The following THSD7A variants were observed in gnomAD, a reference collection of about 807,000 sequenced individuals.
The protein encoded by THSD7A is thrombospondin type-1 domain-containing protein 7A.
Under a neutral mutation model 231.3 loss-of-function variants are expected in THSD7A, and 96 were observed. The ratio of observed to expected loss-of-function variants is 0.41; its 90% CI spans 0.35 to 0.49. The LOEUF is 0.49. Among genes scored for constraint, THSD7A ranks in the 20% least tolerant of loss-of-function variants. The pLI, the probability that THSD7A is intolerant of heterozygous loss-of-function variation, is 0.05. For synonymous variants in THSD7A, 940 were observed against 743.3 expected (o/e 1.26, Z -4.30); for missense variants, 2,290 against 2,070.2 (o/e 1.11, Z -2.06).
At position 11,412,675 on chromosome 7, in the gene THSD7A, G is replaced by A; in HGVS notation, c.3663C>T (p.His1221=). 6.2e-7 allele frequency: 1 copy of A among 1,613,822 alleles called. No individual in the cohort carries two copies. The highest frequency in any genetic ancestry group is 8.5e-7 in the Non-Finnish European group (1 of 1,179,792). Residue 1221 remains histidine (H), a synonymous_variant, in exon 18 of 28, where the codon CAC becomes CAT. Coordinates refer to ENST00000423059, the MANE Select transcript of THSD7A (RefSeq NM_015204.3). The stretch of plus-strand genomic sequence containing the variant: ...ATGTACCTGTTACATTATAATCATA[G>A]TGGTAGCAGTTTTTGTTCAGGTTAC... The part of the protein sequence containing the change: ...EPCNLNKNCY[H]YDYNVTDWST...
chr7:11,785,257 T>C (rs1783752573), intron 1 of THSD7A, among the ~76,000 whole-genome samples: 1 of 152,088 alleles, frequency 6.6e-6, no homozygotes, highest in Admixed American at 6.6e-5. Context: ...GAGGTTTTGC[T>C]ATATTGCCCA....
intron 10 of THSD7A, 73 bp from the exon 11 acceptor site, chr7:11,460,838 G>A (rs2128298191): frequency 1.6e-6 from 2 of 1,239,028 alleles, no homozygotes; most frequent in Non-Finnish European, 1.2e-6. Flanking sequence ...ACAGCAGCAT[G>A]GAAACATGAC....
chr7:11,508,401 TCAAAGG>T (rs908243560), intron 6 of THSD7A, among the ~76,000 whole-genome samples: 6 of 151,478 alleles, frequency 4.0e-5, no homozygotes, highest in Non-Finnish European at 8.8e-5. Context: ...ACAGCTATGA[TCAAAGG>T]CAAAGGCAAA....
chr7:11,724,462 C>T (rs1400016497), intron 1 of THSD7A, among the ~76,000 whole-genome samples: 1 of 151,800 alleles, frequency 6.6e-6, no homozygotes, highest in Non-Finnish European at 1.5e-5. Flanking sequence ...TGCTTATAAT[C>T]AGTCATACAG....
chr7:11,772,317 T>A (rs185718798), intron 1 of THSD7A, among the ~76,000 whole-genome samples: 1 of 152,128 alleles, frequency 6.6e-6, no homozygotes, highest in Non-Finnish European at 1.5e-5. Context: ...AGCATGGAGA[T>A]CTCTCAAAGA....
rs146160394 is a variant in THSD7A at position 11,764,532 on chromosome 7, T to A, written c.190+67225A>T. On this transcript the variant is annotated intron_variant, in intron 1 of 27. Coordinates refer to ENST00000423059, the MANE Select transcript of THSD7A (RefSeq NM_015204.3). Reference sequence around the variant, plus strand: ...GGAGGCGGAGCCGAGATAGCGCCACTGCAGTCCGGCCTGGGTGAAAGAACG... The same window carrying A: ...GGAGGCGGAGCCGAGATAGCGCCACAGCAGTCCGGCCTGGGTGAAAGAACG... 3.3e-3 allele frequency among the ~76,000 whole-genome samples: 464 copies of A among 139,104 alleles called. 4 individuals carry two copies. Among genetic ancestry groups the A allele is most frequent in the African/African-American group, 0.012 (444 of 36,310 alleles). 91.3% of individuals were successfully genotyped at this position (139,104 alleles called of 152,430 possible). A position where few individuals can be genotyped will look rare whatever the true frequency, so the allele number is the denominator to read the frequency against.
chr7:11,764,091 A>G (rs73298449), intron 1 of THSD7A, among the ~76,000 whole-genome samples: 25,479 of 152,172 alleles, frequency 0.17, 2,552 homozygotes, highest in South Asian at 0.27. Flanking sequence ...CTTCATAATT[A>G]CCAATGTATT....
At chr7:11,569,017 T>A (rs1244706814) in intron 4 of THSD7A, among the ~76,000 whole-genome samples, 1 of 150,608 alleles carries the variant, frequency 6.6e-6, no homozygotes, top group Non-Finnish European at 1.5e-5. Context: ...CACTCCTATC[T>A]CTCACCACAC....
At chr7:11,769,107 GCCATA>G (rs1783123250) in intron 1 of THSD7A, among the ~76,000 whole-genome samples, 8 of 111,140 alleles carry the variant, frequency 7.2e-5, no homozygotes, top group African/African-American at 1.0e-4. Flanking sequence ...ACAGGCACCT[GCCATA>G]ATTCCTGGCA....
At chr7:11,435,269 G>A (rs1180687962) in intron 13 of THSD7A, among the ~76,000 whole-genome samples, 1 of 152,012 alleles carries the variant, frequency 6.6e-6, no homozygotes, top group African/African-American at 2.4e-5. Flanking sequence ...AATTTGCCTG[G>A]CCCTTGGCCA....
At position 11,406,926 on chromosome 7, in the gene THSD7A, G is replaced by A; in HGVS notation, c.4046C>T (p.Ser1349Phe). 6.2e-7 allele frequency: 1 copy of A among 1,613,768 alleles called. No individual in the cohort carries two copies. The highest frequency in any genetic ancestry group is 8.5e-7 in the Non-Finnish European group (1 of 1,179,816). The change falls in exon 21 of 28, where the codon TCT (serine) becomes TTT (phenylalanine). Residue 1349 changes from serine to phenylalanine, a missense_variant. Transcript: ENST00000423059. This position sits in a 1 kb window ranked among gnomAD's most constrained non-coding sequence, Gnocchi z 4.7. ...ATTTGATACCTGCACTTGGCATGGA[G>A]ACCACTGGCCATATTGCCACCGATA... ...PCYRWQYGQW[S>F]PCQVQEAQCG...
chr7:11,416,431 G>A (rs117204103), intron 17 of THSD7A, among the ~76,000 whole-genome samples: 5 of 152,296 alleles, frequency 3.3e-5, no homozygotes, highest in Non-Finnish European at 7.4e-5. Context: ...ATTATTTGAT[G>A]TAACTTCAAA....
At chr7:11,811,096 T>C (rs1371601582) in intron 1 of THSD7A, among the ~76,000 whole-genome samples, 1 of 152,144 alleles carries the variant, frequency 6.6e-6, no homozygotes, top group Non-Finnish European at 1.5e-5. Flanking sequence ...GATGTTAATG[T>C]TAAGGATATT....
chr7:11,814,787 T>C lies in THSD7A; in HGVS notation c.190+16970A>G. 6.6e-6 allele frequency among the ~76,000 whole-genome samples: 1 copy of C among 152,218 alleles called. No homozygotes were observed. Among genetic ancestry groups the C allele is most frequent in the East Asian group, 1.9e-4 (1 of 5,186 alleles). ...TTTCATAAATCCAAATCCATTTTGA[T>C]GACTCTCCCATTAGAGGTATGTAGT... On this transcript the variant is annotated intron_variant, in intron 1 of 27. Coordinates refer to ENST00000423059, the MANE Select transcript of THSD7A (RefSeq NM_015204.3). This position sits in a 1 kb window ranked among gnomAD's most constrained non-coding sequence, Gnocchi z 5.1.
Position 11,636,197 on chromosome 7 carries a change from T to G in THSD7A, c.955A>C (p.Ile319Leu). 1.2e-6 allele frequency: 2 copies of G among 1,614,060 alleles called. No individual in the cohort carries two copies. Among genetic ancestry groups the G allele is most frequent in the Non-Finnish European group, 1.7e-6 (2 of 1,179,900 alleles). ...TCTCTGGTCTGATATCCAATCTGGA[T>G]GTCCCAATATTTGTTCTCTTGTCTG... is the stretch of plus-strand genomic sequence containing the variant. ...QNRQENKYWD[I>L]QIGYQTREVM... Residue 319 changes from isoleucine (I) to leucine (L), a missense_variant, in exon 2 of 28, where the codon ATC becomes CTC. Coordinates refer to ENST00000423059, the MANE Select transcript of THSD7A (RefSeq NM_015204.3). This position sits in a 1 kb window ranked among gnomAD's most constrained non-coding sequence, Gnocchi z 10.0.
intron 1 of THSD7A, among the ~76,000 whole-genome samples, chr7:11,649,457 G>T (rs1286298296): frequency 6.6e-6 from 1 of 152,000 alleles, no homozygotes; most frequent in African/African-American, 2.4e-5. Context: ...ATAGATAACT[G>T]ATACAGATTA....
At chr7:11,624,366 C>G (rs1348118632) in intron 2 of THSD7A, among the ~76,000 whole-genome samples, 1 of 152,124 alleles carries the variant, frequency 6.6e-6, no homozygotes, top group African/African-American at 2.4e-5. Context: ...GCCTTACCAT[C>G]AAGGTCATTA....
At chr7:11,543,600 A>C (rs1034801372) in intron 4 of THSD7A, among the ~76,000 whole-genome samples, 2 of 152,230 alleles carry the variant, frequency 1.3e-5, no homozygotes, top group Non-Finnish European at 2.9e-5. Context: ...GAGAGGTAGC[A>C]GGTGAGATGA....
In THSD7A at chr7:11,444,389, C is replaced by T. The variant is rs533956501; in HGVS notation, c.3064+1672G>A. The stretch of plus-strand genomic sequence containing the variant: ...GGCACTGTTCACAATAGCAAAGACT[C>T]GGAACCAACCCAAATGCTCATCAAT... On this transcript the variant is annotated intron_variant, in intron 13 of 27. Transcript: ENST00000423059. The surrounding 1 kb of genome is among the most constrained non-coding windows in gnomAD (Gnocchi z 4.2). Among the ~76,000 whole-genome samples, 109 of 152,090 alleles carry T rather than the reference C, an allele frequency of 7.2e-4. No individual in the cohort carries two copies. Among genetic ancestry groups the T allele is most frequent in the Admixed American group, 1.6e-3 (25 of 15,238 alleles).
Sources: allele counts gnomAD v4.1 joint callset (sites outside exome capture counted in the v4.1 genomes callset), GRCh38; gene constraint gnomAD v4.1.1; non-coding constraint Gnocchi (gnomAD v3.1); transcripts MANE v1.5; gene names NCBI Gene and HGNC (gene_info 2026-07-23, HGNC 2026-07-21).